The following CADM1 variants were observed in gnomAD, a reference collection of about 807,000 sequenced individuals.
CADM1 encodes cell adhesion molecule 1, also known as TSLC-1.
In CADM1, 15 loss-of-function variants were observed where a neutral mutation model predicts 53.1. The ratio of observed to expected loss-of-function variants is 0.28; its 90% CI spans 0.19 to 0.44. CADM1 has a LOEUF of 0.44. CADM1 is among the 20% of genes least tolerant of loss of function. The probability of loss-of-function intolerance (pLI) is 1.00; values close to 1 mark genes in which losing one functional copy is unlikely to be tolerated. For missense variants in CADM1, 434 were observed against 611.3 expected (o/e 0.71, Z 3.06); for synonymous variants, 281 against 243.0 (o/e 1.16, Z -1.45).
intron 1 of CADM1, among the ~76,000 whole-genome samples, chr11:115,449,731 A>G (rs569640230): frequency 6.6e-6 from 1 of 152,326 alleles, no homozygotes; most frequent in Admixed American, 6.5e-5. Context: ...ATACGAAAAC[A>G]TGTATTTCCC....
intron 1 of CADM1, among the ~76,000 whole-genome samples, chr11:115,454,917 A>T (rs1948650535): frequency 6.6e-6 from 1 of 152,224 alleles, no homozygotes; most frequent in South Asian, 2.1e-4. Context: ...TATTTTAGAA[A>T]GAAATCATTT....
In CADM1 at chr11:115,451,921, GA is replaced by G. The variant is rs924502351; in HGVS notation, c.124+52349del. 4.1e-4 allele frequency among the ~76,000 whole-genome samples: 59 copies of G among 145,212 alleles called. No individual in the cohort carries two copies. In the Middle Eastern group the frequency reaches 0.011, roughly 27 times the overall value. On this transcript the variant is annotated intron_variant, in intron 1 of 11. Transcript: ENST00000331581. ...CAGGAGAGCATCTGGGGCTGGAGGG[GA>G]AAAAAAAAAACTTTTTGGAAATTTC...
At chr11:115,396,581 T>C (rs569462268) in intron 1 of CADM1, among the ~76,000 whole-genome samples, 1 of 152,324 alleles carries the variant, frequency 6.6e-6, no homozygotes, top group South Asian at 2.1e-4. Context: ...AAAACAGATA[T>C]GCTGGAGATT....
intron 7 of CADM1, among the ~76,000 whole-genome samples, chr11:115,214,331 G>A (rs182099029): frequency 2.0e-5 from 3 of 152,234 alleles, no homozygotes; most frequent in African/African-American, 7.2e-5. Flanking sequence ...TACTTCTAAC[G>A]TAATCTCCAT....
intron 1 of CADM1, among the ~76,000 whole-genome samples, chr11:115,277,981 G>A (rs752988029): frequency 5.3e-5 from 8 of 151,920 alleles, no homozygotes; most frequent in Non-Finnish European, 1.2e-4. Context: ...TCAAACTTCC[G>A]ATGACCATGC....
chr11:115,486,131 C>A (rs1166673591), intron 1 of CADM1, among the ~76,000 whole-genome samples: 1 of 152,142 alleles, frequency 6.6e-6, no homozygotes, highest in Admixed American at 6.6e-5. Flanking sequence ...TCCTTCACTG[C>A]CCTAATTCAA....
chr11:115,252,237 G>T (rs969317368), intron 1 of CADM1, among the ~76,000 whole-genome samples: 3 of 152,096 alleles, frequency 2.0e-5, no homozygotes, highest in African/African-American at 7.2e-5. Flanking sequence ...TCTCCAAAAG[G>T]ATTATTATGA....
chr11:115,364,441 G>A (rs1219534424), intron 1 of CADM1, among the ~76,000 whole-genome samples: 1 of 152,102 alleles, frequency 6.6e-6, no homozygotes, highest in Admixed American at 6.5e-5. Context: ...TATTCCCAAT[G>A]GAAACACCTG....
chr11:115,489,602 A>G (rs1949448080), intron 1 of CADM1, among the ~76,000 whole-genome samples: 1 of 152,240 alleles, frequency 6.6e-6, no homozygotes, highest in South Asian at 2.1e-4. Context: ...TGGGATTTAA[A>G]TATGCCTACG....
intron 5 of CADM1, among the ~76,000 whole-genome samples, chr11:115,221,781 T>C (rs1941415771): frequency 6.6e-6 from 1 of 152,152 alleles, no homozygotes; most frequent in Non-Finnish European, 1.5e-5. Flanking sequence ...GACTGGGATG[T>C]CACCCTTCCA....
chr11:115,387,313 G>A lies in CADM1; in HGVS notation c.124+116958C>T, dbSNP rs537399265. ...TTATACAGAGTTTTGAATTTGGAAA[G>A]CATATTAGTGTTCCACATATTCAAA... On this transcript the variant is annotated intron_variant, in intron 1 of 11. Transcript: ENST00000331581. Among the ~76,000 whole-genome samples the A allele has an allele frequency of 2.2e-4, 34 of 152,166 alleles. 1 individual carries two copies. The South Asian group carries it at 4.8e-3, about 21-fold the overall frequency.
intron 1 of CADM1, among the ~76,000 whole-genome samples, chr11:115,457,810 T>C (rs1321581270): frequency 6.6e-6 from 1 of 152,082 alleles, no homozygotes; most frequent in African/African-American, 2.4e-5. Flanking sequence ...AAATGTCATC[T>C]CAACCGTAAC....
In CADM1 at chr11:115,193,216, T is replaced by A. The variant is rs565290861; in HGVS notation, c.1112-2275A>T. ...CATTCTTCAAAAGGAGACTTCACTC[T>A]AACAATAAGTGGGAAATTACTTCTT... On this transcript the variant is annotated intron_variant, in intron 9 of 11. Coordinates refer to ENST00000331581, the MANE Select transcript of CADM1 (RefSeq NM_001301043.2). Among the ~76,000 whole-genome samples, 8 of 152,346 alleles carry A rather than the reference T, an allele frequency of 5.3e-5. No homozygotes were observed. In the East Asian group the frequency reaches 1.5e-3, roughly 29 times the overall value.
At chr11:115,220,626 A>C (rs1372015261) in intron 5 of CADM1, among the ~76,000 whole-genome samples, 2 of 152,152 alleles carry the variant, frequency 1.3e-5, no homozygotes, top group Admixed American at 1.3e-4. Context: ...CACATGCAGT[A>C]TTTATAGGCA....
intron 1 of CADM1, among the ~76,000 whole-genome samples, chr11:115,272,869 T>C (rs1297304805): frequency 6.6e-6 from 1 of 151,712 alleles, no homozygotes. Flanking sequence ...CTGCACAATG[T>C]GCACATGTAC....
chr11:115,443,828 A>T (rs1456775000), intron 1 of CADM1, among the ~76,000 whole-genome samples: 4 of 152,228 alleles, frequency 2.6e-5, no homozygotes, highest in Admixed American at 2.6e-4. Context: ...GGGAACATGA[A>T]GATGAAGTCC....
intron 1 of CADM1, chr11:115,396,712 T>C (rs1947007055): frequency 6.6e-6 from 1 of 152,174 alleles, no homozygotes; most frequent in Non-Finnish European, 1.5e-5. Flanking sequence ...AAACACCAGA[T>C]TAAGACTTGG....
At chr11:115,433,668 G>A (rs560130747) in intron 1 of CADM1, among the ~76,000 whole-genome samples, 12 of 152,202 alleles carry the variant, frequency 7.9e-5, no homozygotes, top group Non-Finnish European at 1.3e-4. Flanking sequence ...ACCTATATAA[G>A]GTATCACTTC....
intron 1 of CADM1, among the ~76,000 whole-genome samples, chr11:115,412,619 T>C (rs1453829226): frequency 1.3e-5 from 2 of 152,216 alleles, no homozygotes; most frequent in African/African-American, 4.8e-5. Context: ...GCAGTAAGAC[T>C]GTACTTCTCT....
Sources: allele counts gnomAD v4.1 joint callset (sites outside exome capture counted in the v4.1 genomes callset), GRCh38; gene constraint gnomAD v4.1.1; transcripts MANE v1.5; gene names NCBI Gene and HGNC (gene_info 2026-07-23, HGNC 2026-07-21).